BCR: variants seen among roughly 807,000 people sequenced by gnomAD.
BCR encodes breakpoint cluster region protein.
BCR carries 58 observed loss-of-function variants against 138.6 expected under a neutral mutation model. That is an observed-to-expected ratio of 0.42 (90% confidence interval 0.34 to 0.52). The LOEUF (loss-of-function observed/expected upper bound fraction) is 0.52. Among genes scored for constraint, BCR ranks in the 20% least tolerant of loss-of-function variants. BCR has a pLI of 0.06. For missense variants in BCR, 1,599 were observed against 1,727.2 expected (o/e 0.93, Z 1.32); for synonymous variants, 786 against 730.1 (o/e 1.08, Z -1.23).
intron 8 of BCR, among the ~76,000 whole-genome samples, chr22:23,275,189 G>A (rs1326765633): frequency 1.3e-5 from 2 of 152,202 alleles, no homozygotes; most frequent in Non-Finnish European, 2.9e-5. Flanking sequence ...GTTTCTCCTG[G>A]TGGGCCTGGC....
At chr22:23,272,264 T>C (rs1328923148) in intron 6 of BCR, among the ~76,000 whole-genome samples, 1 of 152,222 alleles carries the variant, frequency 6.6e-6, no homozygotes, top group African/African-American at 2.4e-5. Flanking sequence ...TCACTTCTTA[T>C]TTTCAGTTGT....
rs113774969 is a variant in BCR, at chr22:23,315,346, T to G, written c.3727-87T>G. 6 of 1,193,230 alleles carry G rather than the reference T, an allele frequency of 5.0e-6. No individual in the cohort carries two copies. In the East Asian group the frequency reaches 1.3e-4, roughly 26 times the overall value. 73.9% of individuals were successfully genotyped at this position (1,193,230 alleles called of 1,614,324 possible). A position where few individuals can be genotyped will look rare whatever the true frequency, so the allele number is the denominator to read the frequency against. ...GGGGTCCCCAGCACCTGAGATGGAC[T>G]TGGAGGCTTGGGCCCCAAAGACCTC... is the stretch of plus-strand genomic sequence containing the variant. On this transcript the variant is annotated intron_variant, in intron 22 of 22. Transcript: ENST00000305877.
At chr22:23,263,496 G>A (rs919511464) in intron 4 of BCR, 7 of 1,562,790 alleles carry the variant, frequency 4.5e-6, no homozygotes, top group Non-Finnish European at 6.2e-6. Flanking sequence ...GATGCAGCTA[G>A]AGGATGATGC....
At chr22:23,273,901 A>T (rs2146289335) in intron 8 of BCR, 127 bp downstream of exon 8, 1 of 1,338,394 alleles carries the variant, frequency 7.5e-7, no homozygotes, top group South Asian at 1.3e-5. Context: ...GATTGGTGAG[A>T]TTGGCCGCAC....
chr22:23,242,002 C>T (rs767485010), intron 1 of BCR, among the ~76,000 whole-genome samples: 3 of 152,210 alleles, frequency 2.0e-5, no homozygotes, highest in African/African-American at 4.8e-5. Flanking sequence ...GAGACCACTT[C>T]CAGCCCCCCT....
intron 1 of BCR, chr22:23,199,187 T>C (rs1568929324): frequency 2.2e-6 from 1 of 452,016 alleles, no homozygotes. Flanking sequence ...AAGTCTGGTT[T>C]CCTCTCTCAT....
At chr22:23,270,607 A>C (rs964033536) in intron 5 of BCR, among the ~76,000 whole-genome samples, 1 of 152,230 alleles carries the variant, frequency 6.6e-6, no homozygotes, top group African/African-American at 2.4e-5. Flanking sequence ...ACCAAAGTGC[A>C]TGGCAGCGTT....
At position 23,181,274 on chromosome 22, in the gene BCR, C is replaced by G. The variant is rs529782454; in HGVS notation, c.314C>G (p.Ala105Gly). 1.6e-6 allele frequency: 2 copies of G among 1,288,808 alleles called. No individual in the cohort carries two copies. The highest frequency in any genetic ancestry group is 1.6e-5 in the African/African-American group (1 of 64,048). The allele number at this position is 1,288,808 out of a possible 1,614,324, so 79.8% of individuals were successfully genotyped here. The change falls in exon 1 of 23, where the codon GCC becomes GGC. Residue 105 changes from alanine to glycine, a missense_variant. Physicochemically the swap from Ala to Gly is moderately conservative, Grantham distance 60. Coordinates refer to ENST00000305877, the MANE Select transcript of BCR (RefSeq NM_004327.4). ...SRPQPAPADG[A>G]DPPPAEEPEA... ...CCGCAGCCAGCGCCCGCCGACGGAG[C>G]CGACCCGCCGCCCGCCGAGGAGCCC...
At chr22:23,263,851 A>G in intron 4 of BCR, 3 of 1,032,072 alleles carry the variant, frequency 2.9e-6, no homozygotes, top group Non-Finnish European at 3.1e-6. Context: ...ATCCAGACTG[A>G]AGACCAAATC....
intron 1 of BCR, among the ~76,000 whole-genome samples, chr22:23,225,429 G>A (rs970807220): frequency 2.6e-5 from 4 of 152,216 alleles, no homozygotes; most frequent in African/African-American, 7.2e-5. Context: ...TGCCAAAGGC[G>A]AGACCGCTGG....
At position 23,287,247 on chromosome 22, in the gene BCR, T is replaced by C. The variant is rs1602106185; in HGVS notation, c.2495T>C (p.Met832Thr). Residue 832 changes from methionine (M) to threonine (T), a missense_variant, in exon 11 of 23, where the codon ATG (methionine) becomes ACG (threonine). Met to Thr is a moderately conservative substitution (Grantham distance 81). Around this residue, in one of 4 missense-constraint regions of BCR, gnomAD observed 590 missense variants for 762.4 expected, o/e 0.77. Coordinates refer to ENST00000305877, the MANE Select transcript of BCR (RefSeq NM_004327.4). ...ESLLLLMSPS[M>T]AFRVHSRNGK... Reference sequence around the variant, plus strand: ...CTGCTGCTGCTTATGTCTCCCAGCATGGCCTTCAGGGTGCACAGCCGCAAC... The same window carrying C: ...CTGCTGCTGCTTATGTCTCCCAGCACGGCCTTCAGGGTGCACAGCCGCAAC... The C allele has an allele frequency of 2.6e-6, 4 of 1,557,218 alleles. No homozygotes were observed. The highest frequency in any genetic ancestry group is 2.4e-5 in the East Asian group (1 of 41,492).
chr22:23,295,047 C>G lies in BCR; in HGVS notation c.2904C>G (p.Gly968=). ...WNEEFEIELE[G]SQTLRILCYE... ...AGGAATTTGAGATAGAGCTGGAGGGCTCCCAGACCCTGAGGATACTGTGCT... is the reference window on the plus strand; with the variant it reads ...AGGAATTTGAGATAGAGCTGGAGGGGTCCCAGACCCTGAGGATACTGTGCT... The change falls in exon 16 of 23, where the codon GGC becomes GGG. Residue 968 remains glycine, a synonymous_variant. Coordinates refer to ENST00000305877, the MANE Select transcript of BCR (RefSeq NM_004327.4). The G allele has an allele frequency of 1.9e-6, 3 of 1,614,114 alleles. No individual in the cohort carries two copies. Among genetic ancestry groups the G allele is most frequent in the Non-Finnish European group, 2.5e-6 (3 of 1,179,996 alleles).
At position 23,314,080 on chromosome 22, in the gene BCR, C is replaced by G; in HGVS notation, c.3563+7C>G. On this transcript the variant is annotated splice_region_variant and intron_variant, in intron 21 of 22. Transcript: ENST00000305877. The stretch of plus-strand genomic sequence containing the variant: ...TTCTGGACCACCTGAAAAGGTAGCC[C>G]AGCTCTCCCATGGCAGCCCAGGGCT... 2 of 1,610,596 alleles carry G rather than the reference C, an allele frequency of 1.2e-6. No individual in the cohort carries two copies. Among genetic ancestry groups the G allele is most frequent in the East Asian group, 4.5e-5 (2 of 44,854 alleles).
intron 1 of BCR, among the ~76,000 whole-genome samples, chr22:23,248,420 G>A (rs1436193264): frequency 6.6e-6 from 1 of 151,556 alleles, no homozygotes; most frequent in African/African-American, 2.4e-5. Context: ...TGGTAATTCT[G>A]TTTAATTTTT....
At chr22:23,287,987 C>A in intron 11 of BCR, 110 bp from the exon 12 acceptor site, 1 of 1,071,416 alleles carries the variant, frequency 9.3e-7, no homozygotes, top group Non-Finnish European at 1.4e-6. Flanking sequence ...GGCCACTGGG[C>A]TCCAGCCGGC....
chr22:23,250,907 G>A (rs764022832), intron 1 of BCR: 1 of 152,152 alleles, frequency 6.6e-6, no homozygotes. Flanking sequence ...GGTAGCAATG[G>A]GGAGGGCCAG....
At chr22:23,194,379 G>C (rs927592759) in intron 1 of BCR, among the ~76,000 whole-genome samples, 5 of 151,602 alleles carry the variant, frequency 3.3e-5, no homozygotes, top group Non-Finnish European at 7.4e-5. Context: ...AGGCTGAGGT[G>C]GGTGGGTCTC....
intron 16 of BCR, among the ~76,000 whole-genome samples, chr22:23,301,351 C>T (rs187035190): frequency 1.3e-5 from 2 of 152,290 alleles, no homozygotes; most frequent in Admixed American, 6.5e-5. Flanking sequence ...CAGCAAGGCT[C>T]CAATTTCCCC....
Position 23,182,062 on chromosome 22 carries a change from C to G in BCR, c.1102C>G (p.Arg368Gly). 2 of 1,613,570 alleles carry G rather than the reference C, an allele frequency of 1.2e-6. No individual in the cohort carries two copies. Among genetic ancestry groups the G allele is most frequent in the South Asian group, 2.2e-5 (2 of 91,076 alleles). ...CTACCGCATGTTCCGGGACAAAAGC[C>G]GCTCTCCCTCGCAGAACTCGCAACA... ...TTYRMFRDKS[R>G]SPSQNSQQSF... The change falls in exon 1 of 23, where the codon CGC becomes GGC. Residue 368 changes from arginine to glycine, a missense_variant. Arg to Gly is a moderately radical substitution (Grantham distance 125). This residue lies in a region of BCR where 806 missense variants were observed against 635.0 expected (regional missense o/e 1.27). Transcript: ENST00000305877.
Sources: allele counts gnomAD v4.1 joint callset (sites outside exome capture counted in the v4.1 genomes callset), GRCh38; gene constraint gnomAD v4.1.1; regional missense constraint gnomAD v4.1.1; transcripts MANE v1.5; gene names NCBI Gene and HGNC (gene_info 2026-07-23, HGNC 2026-07-21).